TSNARE1: variants seen among roughly 807,000 people sequenced by gnomAD.
The protein encoded by TSNARE1 is t-SNARE domain containing 1.
In TSNARE1, 49 loss-of-function variants were observed where a neutral mutation model predicts 62.0. That is an observed-to-expected ratio of 0.79 (90% CI 0.63 to 1.00). TSNARE1 has a LOEUF of 1.00. Among genes scored for constraint, TSNARE1 ranks in the 50% least tolerant of loss-of-function variants. TSNARE1 has a pLI of 0.00. For synonymous variants in TSNARE1, 328 were observed against 294.4 expected (o/e 1.11, Z -1.17); for missense variants, 755 against 700.1 (o/e 1.08, Z -0.88).
chr8:142,255,175 A>G (rs1818362018), intron 12 of TSNARE1, among the ~76,000 whole-genome samples: 1 of 151,846 alleles, frequency 6.6e-6, no homozygotes, highest in African/African-American at 2.4e-5. Flanking sequence ...GTCAGTAAGA[A>G]CTCAGCACCG....
At chr8:142,356,160 C>A (rs182502466) in intron 1 of TSNARE1, among the ~76,000 whole-genome samples, 123 of 152,334 alleles carry the variant, frequency 8.1e-4, no homozygotes, top group Middle Eastern at 3.4e-3. Flanking sequence ...GTCGTGGCAC[C>A]CTCCGGGCAG....
chr8:142,212,745 G>C (rs1007654425), intron 13 of TSNARE1, among the ~76,000 whole-genome samples: 1 of 151,118 alleles, frequency 6.6e-6, no homozygotes, highest in East Asian at 2.0e-4. Flanking sequence ...CCAAGCCCAC[G>C]AGACGACCCT....
chr8:142,239,233 C>T (rs78946212), intron 12 of TSNARE1, among the ~76,000 whole-genome samples: 4,040 of 152,302 alleles, frequency 0.027, 112 homozygotes, highest in Admixed American at 0.084. Flanking sequence ...AAACCTTAGC[C>T]AGGTGGGCTT....
chr8:142,287,306 C>T (rs1179188782), intron 10 of TSNARE1, among the ~76,000 whole-genome samples: 1 of 142,158 alleles, frequency 7.0e-6, no homozygotes, highest in East Asian at 2.1e-4. Context: ...AGGACCCCGG[C>T]CAGATCTCAG....
At chr8:142,377,932 T>A (rs1385657313) in intron 1 of TSNARE1, among the ~76,000 whole-genome samples, 1 of 152,224 alleles carries the variant, frequency 6.6e-6, no homozygotes, top group African/African-American at 2.4e-5. Context: ...TCTTTAGTGA[T>A]GTGGGTAAGT....
chr8:142,302,094 A>T (rs546632735), intron 9 of TSNARE1, among the ~76,000 whole-genome samples: 57 of 152,218 alleles, frequency 3.7e-4, no homozygotes, highest in African/African-American at 1.1e-3. Context: ...ACCATATGGG[A>T]GACTCAGGGA....
intron 10 of TSNARE1, chr8:142,299,999 A>G (rs1325981637): frequency 1.3e-5 from 2 of 153,156 alleles, no homozygotes; most frequent in Non-Finnish European, 2.9e-5. Flanking sequence ...CAATGCCCAC[A>G]CTCTACAGTT....
At chr8:142,348,192 GCTGCACGTATGGCTTTGCTT>G (rs1239399103) in intron 2 of TSNARE1, among the ~76,000 whole-genome samples, 5 of 152,324 alleles carry the variant, frequency 3.3e-5, no homozygotes, top group South Asian at 2.1e-4. Flanking sequence ...ACAAGCAAAT[GCTGCACGTATGGCTTTGCTT>G]CTTCCACGCA....
intron 10 of TSNARE1, among the ~76,000 whole-genome samples, chr8:142,288,210 C>T (rs957514382): frequency 2.0e-5 from 3 of 152,186 alleles, no homozygotes; most frequent in Non-Finnish European, 2.9e-5. Context: ...GGACGCCCAG[C>T]GGCTGGGGCG....
intron 1 of TSNARE1, among the ~76,000 whole-genome samples, chr8:142,394,073 C>T (rs1199112986): frequency 6.6e-6 from 1 of 152,226 alleles, no homozygotes; most frequent in African/African-American, 2.4e-5. Context: ...GCTGGCTGCC[C>T]GTCTTCACTC....
intron 9 of TSNARE1, among the ~76,000 whole-genome samples, chr8:142,311,297 T>TTTTTTTGTTTTTTTTTTG: frequency 7.3e-6 from 1 of 137,242 alleles, no homozygotes; most frequent in Non-Finnish European, 1.6e-5. Flanking sequence ...CTAGTTTTTT[T>TTTTTTTGTTTTTTTTTTG]TTTTTTTTTT....
chr8:142,268,612 T>C (rs941564179), intron 12 of TSNARE1, among the ~76,000 whole-genome samples: 1 of 151,054 alleles, frequency 6.6e-6, no homozygotes. Flanking sequence ...AAAATCCTGA[T>C]TTGGGGCTGA....
intron 13 of TSNARE1, among the ~76,000 whole-genome samples, chr8:142,222,166 C>CCACTCACTCACTCATCCACTCACTCATT (rs1816314789): frequency 1.8e-4 from 2 of 11,232 alleles, no homozygotes; most frequent in Non-Finnish European, 1.8e-4. Context: ...ATCCACTCAT[C>CCACTCACTCACTCATCCACTCACTCATT]CACTCACTCA....
rs7386398 is a variant in TSNARE1 at position 142,335,081 on chromosome 8, G to A, written c.746-3250C>T. On this transcript the variant is annotated intron_variant, in intron 4 of 13. Coordinates refer to ENST00000524325, the MANE Select transcript of TSNARE1 (RefSeq NM_145003.5). ...AAAGCAAAATCCGTAACTATGTGCC[G>A]GGGTCATCATGTGTTATAAATGACG... 3.7e-4 allele frequency among the ~76,000 whole-genome samples: 56 copies of A among 152,258 alleles called. 1 individual carries two copies. Among genetic ancestry groups the A allele is most frequent in the Admixed American group, 1.6e-3 (24 of 15,294 alleles).
chr8:142,253,474 GT>G (rs1818276235), intron 12 of TSNARE1, among the ~76,000 whole-genome samples: 1 of 149,868 alleles, frequency 6.7e-6, no homozygotes, highest in Admixed American at 6.6e-5. Flanking sequence ...AGGTAGGGCG[GT>G]CACCCCCCAG....
chr8:142,326,126 ACCAC>A, intron 6 of TSNARE1: 1 of 164,644 alleles, frequency 6.1e-6, no homozygotes, highest in Middle Eastern at 1.6e-3. Context: ...GGCCCCGGAG[ACCAC>A]GAGACAGATG....
chr8:142,283,458 G>A (rs1212099624), intron 11 of TSNARE1, among the ~76,000 whole-genome samples: 2 of 136,390 alleles, frequency 1.5e-5, no homozygotes, highest in Non-Finnish European at 3.1e-5. Context: ...GGCAGGGACA[G>A]TGTCAATGAA....
At chr8:142,264,956 A>G (rs578170257) in intron 12 of TSNARE1, among the ~76,000 whole-genome samples, 1 of 152,100 alleles carries the variant, frequency 6.6e-6, no homozygotes, top group African/African-American at 2.4e-5. Context: ...CTTCTGTGTT[A>G]TCTGCTTCTC....
chr8:142,340,468 G>T (rs1832429464), intron 4 of TSNARE1, among the ~76,000 whole-genome samples: 2 of 152,182 alleles, frequency 1.3e-5, no homozygotes, highest in Admixed American at 1.3e-4. Flanking sequence ...CTAGGGCCAG[G>T]GCTCCCTTTT....
Sources: allele counts gnomAD v4.1 joint callset (sites outside exome capture counted in the v4.1 genomes callset), GRCh38; gene constraint gnomAD v4.1.1; transcripts MANE v1.5; gene names NCBI Gene and HGNC (gene_info 2026-07-23, HGNC 2026-07-21).